UBE4B: variants seen among roughly 807,000 people sequenced by gnomAD.
The protein encoded by UBE4B is ubiquitin conjugation factor E4 B.
A neutral mutation model predicts 148.1 loss-of-function variants in UBE4B; 27 were observed. That is an observed-to-expected ratio of 0.18 (90% CI 0.13 to 0.25). The LOEUF (loss-of-function observed/expected upper bound fraction) is 0.25, where lower values mean the gene tolerates loss of function less well. Ranked by LOEUF, UBE4B falls within the 10% of genes least tolerant of loss-of-function variation. The probability of loss-of-function intolerance (pLI) is 1.00; values close to 1 mark genes in which losing one functional copy is unlikely to be tolerated. For synonymous variants in UBE4B, 596 were observed against 619.3 expected (o/e 0.96, Z 0.56); for missense variants, 1,170 against 1,662.4 (o/e 0.70, Z 5.15).
chr1:10,046,295 T>C (rs1486348340), intron 1 of UBE4B, among the ~76,000 whole-genome samples: 1 of 152,224 alleles, frequency 6.6e-6, no homozygotes, highest in South Asian at 2.1e-4. Flanking sequence ...GAGAGCAGTC[T>C]ATGCCTTTCT....
Position 10,106,516 on chromosome 1 carries a change from C to T in UBE4B, c.1129C>T (p.Pro377Ser), listed in dbSNP as rs1437601166. 8 of 1,608,870 alleles carry T rather than the reference C, an allele frequency of 5.0e-6. No individual in the cohort carries two copies. In the South Asian group the frequency reaches 6.6e-5, roughly 13 times the overall value. The change falls in exon 7 of 28, where the codon CCA becomes TCA. Residue 377 changes from proline to serine, a missense_variant. Around this residue, in one of 6 missense-constraint regions of UBE4B, gnomAD observed 214 missense variants for 209.1 expected, o/e 1.02. Transcript: ENST00000343090. This position sits in a 1 kb window ranked among gnomAD's most constrained non-coding sequence, Gnocchi z 4.2. ...SSRQRPSSTG[P>S]PLPPASPSAT... ...CAGACAGAGGCCCAGCAGCACGGGT[C>T]CACCCCTACCACCCGCCTCACCCAG...
At chr1:10,044,297 G>T (rs1205555941) in intron 1 of UBE4B, among the ~76,000 whole-genome samples, 1 of 151,652 alleles carries the variant, frequency 6.6e-6, no homozygotes, top group Non-Finnish European at 1.5e-5. Context: ...TCAAATGATC[G>T]GCTTGCCTCG....
rs755327612 is a variant in UBE4B, at chr1:10,130,531, C to T, written c.1727C>T (p.Ser576Phe). 6.2e-7 allele frequency: 1 copy of T among 1,614,024 alleles called. No homozygotes were observed. Among genetic ancestry groups the T allele is most frequent in the Non-Finnish European group, 8.5e-7 (1 of 1,180,042 alleles). The change falls in exon 13 of 28, where the codon TCC (serine) becomes TTC (phenylalanine). Residue 576 changes from serine to phenylalanine, a missense_variant. Physicochemically the swap from Ser to Phe is radical, Grantham distance 155. Around this residue, in one of 6 missense-constraint regions of UBE4B, gnomAD observed 388 missense variants for 536.0 expected, o/e 0.72. Transcript: ENST00000343090. ...TCTTTGCGGTTGTGGTTGCCGAAAT[C>T]CTTAAGTCCTGGCTGTGGGCGGGAG... ...VASLRLWLPK[S>F]LSPGCGRELQ...
intron 19 of UBE4B, among the ~76,000 whole-genome samples, chr1:10,148,739 A>G (rs2101982563): frequency 6.6e-6 from 1 of 152,078 alleles, no homozygotes; most frequent in African/African-American, 2.4e-5. Context: ...CAGGAGTTCG[A>G]GACCAGCCTG....
intron 2 of UBE4B, among the ~76,000 whole-genome samples, chr1:10,083,257 G>A (rs1168970874): frequency 1.3e-5 from 2 of 152,128 alleles, no homozygotes; most frequent in Non-Finnish European, 2.9e-5. Flanking sequence ...CAAACCAAGT[G>A]GATATCTGTG....
chr1:10,065,179 C>T (rs1644364487), intron 1 of UBE4B, among the ~76,000 whole-genome samples: 1 of 152,148 alleles, frequency 6.6e-6, no homozygotes, highest in East Asian at 1.9e-4. Flanking sequence ...TATACACCCA[C>T]ACATACTTGT....
In UBE4B at chr1:10,161,933, G is replaced by T. The variant is rs941961578; in HGVS notation, c.3198+647G>T. ...TCTGTTCTTGGAATTGTCAGGCTCA[G>T]AATCAGAACTGATTTCCATAAGGGG... On this transcript the variant is annotated intron_variant, in intron 23 of 27. Transcript: ENST00000343090. This position sits in a 1 kb window ranked among gnomAD's most constrained non-coding sequence, Gnocchi z 4.1. Among the ~76,000 whole-genome samples, 2 of 151,906 alleles carry T rather than the reference G, an allele frequency of 1.3e-5. No homozygotes were observed. The highest frequency in any genetic ancestry group is 4.8e-5 in the African/African-American group (2 of 41,372).
chr1:10,115,361 G>A (rs548539537), intron 7 of UBE4B, among the ~76,000 whole-genome samples: 10 of 151,662 alleles, frequency 6.6e-5, no homozygotes, highest in South Asian at 6.3e-4. Context: ...TCTGCCTCCC[G>A]GGATTTAAGA....
At chr1:10,033,834 T>A in intron 1 of UBE4B, 140 bp downstream of exon 1, 1 of 861,264 alleles carries the variant, frequency 1.2e-6, no homozygotes, top group Non-Finnish European at 1.7e-6. Flanking sequence ...ATAACGTGAC[T>A]CCCCGATAGG....
chr1:10,098,350 T>C (rs1644961202), intron 3 of UBE4B, among the ~76,000 whole-genome samples: 1 of 152,184 alleles, frequency 6.6e-6, no homozygotes, highest in South Asian at 2.1e-4. Context: ...AAATTCCACA[T>C]TAATTCATGG....
rs140149592 is a variant in UBE4B at position 10,067,159 on chromosome 1, T to C, written c.25-4869T>C. ...TCTTAGCTTCTGCCTGCAATCACAA[T>C]GGCCTTCACTGTTTTGAATCTATTT... On this transcript the variant is annotated intron_variant, in intron 1 of 27. Coordinates refer to ENST00000343090, the MANE Select transcript of UBE4B (RefSeq NM_001105562.3). Among the ~76,000 whole-genome samples the C allele has an allele frequency of 7.5e-3, 1,136 of 152,244 alleles. 21 individuals are homozygous for C. Among genetic ancestry groups the C allele is most frequent in the South Asian group, 0.046 (221 of 4,822 alleles).
chr1:10,111,215 C>A (rs1645214867), intron 7 of UBE4B, among the ~76,000 whole-genome samples: 1 of 151,488 alleles, frequency 6.6e-6, no homozygotes, highest in African/African-American at 2.4e-5. Context: ...CCACATACTA[C>A]ACACACACAC....
At chr1:10,165,316 T>C (rs1342706627) in intron 23 of UBE4B, among the ~76,000 whole-genome samples, 14 of 152,192 alleles carry the variant, frequency 9.2e-5, no homozygotes, top group Admixed American at 9.2e-4. Context: ...CAAATGCCTC[T>C]AAGCTCTGTC....
At chr1:10,094,812 A>G (rs1325859612) in intron 2 of UBE4B, among the ~76,000 whole-genome samples, 1 of 151,906 alleles carries the variant, frequency 6.6e-6, no homozygotes, top group Non-Finnish European at 1.5e-5. Context: ...TGTTTTTGAG[A>G]TGGAGTCTCG....
At chr1:10,093,851 C>T (rs142747642) in intron 2 of UBE4B, among the ~76,000 whole-genome samples, 243 of 152,100 alleles carry the variant, frequency 1.6e-3, no homozygotes, top group Non-Finnish European at 2.6e-3. Flanking sequence ...TGGGCCACCA[C>T]GCCCAGCTAA....
intron 17 of UBE4B, among the ~76,000 whole-genome samples, chr1:10,142,946 A>G (rs1011374107): frequency 6.6e-6 from 1 of 152,078 alleles, no homozygotes; most frequent in East Asian, 1.9e-4. Flanking sequence ...TTTTCTACCA[A>G]AAAATACAAA....
intron 2 of UBE4B, among the ~76,000 whole-genome samples, chr1:10,093,817 C>G (rs1419363930): frequency 6.6e-6 from 1 of 151,974 alleles, no homozygotes; most frequent in Non-Finnish European, 1.5e-5. Flanking sequence ...GCCTGAACCT[C>G]CCAAGTAGCT....
intron 7 of UBE4B, among the ~76,000 whole-genome samples, chr1:10,107,579 T>TC (rs199967568): frequency 8.9e-5 from 13 of 146,354 alleles, no homozygotes; most frequent in Non-Finnish European, 9.1e-5. Context: ...TTTCTTTCTT[T>TC]TTTTTTTTTT....
rs1281260860 is a variant in UBE4B, at chr1:10,161,138, C to A, written c.3054-4C>A. 3 of 1,613,694 alleles carry A rather than the reference C, an allele frequency of 1.9e-6. No individual in the cohort carries two copies. Among genetic ancestry groups the A allele is most frequent in the Non-Finnish European group, 2.5e-6 (3 of 1,179,850 alleles). On this transcript the variant is annotated splice_polypyrimidine_tract_variant and splice_region_variant and intron_variant, in intron 22 of 27. Coordinates refer to ENST00000343090, the MANE Select transcript of UBE4B (RefSeq NM_001105562.3). This position sits in a 1 kb window ranked among gnomAD's most constrained non-coding sequence, Gnocchi z 4.1. ...GACCATGTACAATATAATTGCCTTTCCAGCTCCGGGAAGCAGTTTGTTCGC... is the reference window on the plus strand; with the variant it reads ...GACCATGTACAATATAATTGCCTTTACAGCTCCGGGAAGCAGTTTGTTCGC...
Sources: gnomAD v4.1 joint callset for allele counts (sites outside exome capture counted in the v4.1 genomes callset) on GRCh38, gnomAD v4.1.1 for gene constraint, gnomAD v4.1.1 regional missense constraint, Gnocchi (gnomAD v3.1) non-coding constraint, MANE v1.5 for transcripts, NCBI Gene and HGNC (gene_info 2026-07-23, HGNC 2026-07-21) for gene names.